The following TMX2 variants were observed in gnomAD, a reference collection of about 807,000 sequenced individuals.
TMX2 encodes thioredoxin-related transmembrane protein 2.
Under a neutral mutation model 33.4 loss-of-function variants are expected in TMX2, and 20 were observed. That is an observed-to-expected ratio of 0.60 (90% CI 0.42 to 0.87). The LOEUF (loss-of-function observed/expected upper bound fraction) is 0.87. Among genes scored for constraint, TMX2 ranks in the 40% least tolerant of loss-of-function variants. The pLI is 0.00. For missense variants in TMX2, 340 were observed against 370.7 expected (o/e 0.92, Z 0.68); for synonymous variants, 166 against 140.7 (o/e 1.18, Z -1.27).
chr11:57,734,716 C>G (rs1026355957), intron 1 of TMX2, among the ~76,000 whole-genome samples: 1 of 151,668 alleles, frequency 6.6e-6, no homozygotes, highest in Admixed American at 6.6e-5. Context: ...GCATTGCACT[C>G]CAGCCTGGGC....
chr11:57,738,939 T>C, intron 5 of TMX2, 35 bp from the exon 6 acceptor site: 2 of 1,601,874 alleles, frequency 1.2e-6, no homozygotes, highest in Non-Finnish European at 1.7e-6. Flanking sequence ...ATCCATTATT[T>C]TTTTTCAGCA....
chr11:57,740,040 C>G, intron 7 of TMX2, 59 bp from the exon 8 acceptor site: 1 of 1,609,872 alleles, frequency 6.2e-7, no homozygotes, highest in South Asian at 1.1e-5. Context: ...CTCTTACTTC[C>G]CAGGCTCTTT....
chr11:57,712,915 C>T, intron 1 of TMX2, 108 bp downstream of exon 1: 2 of 1,225,006 alleles, frequency 1.6e-6, no homozygotes, highest in Non-Finnish European at 2.3e-6. Context: ...AGGTTCCGAG[C>T]CTGTAGCGGA....
At chr11:57,734,432 G>A (rs868631361) in intron 1 of TMX2, among the ~76,000 whole-genome samples, 2 of 152,080 alleles carry the variant, frequency 1.3e-5, no homozygotes, top group Non-Finnish European at 2.9e-5. Flanking sequence ...TGGTCCCCTG[G>A]TTAACTACAA....
intron 1 of TMX2, 35 bp downstream of exon 1, chr11:57,712,842 G>A: frequency 6.2e-7 from 1 of 1,612,040 alleles, no homozygotes; most frequent in Non-Finnish European, 8.5e-7. Flanking sequence ...CCGCGACCTT[G>A]ACTGTCCCTG....
intron 1 of TMX2, among the ~76,000 whole-genome samples, chr11:57,716,268 C>A (rs1201875102): frequency 6.8e-6 from 1 of 147,084 alleles, no homozygotes; most frequent in African/African-American, 2.5e-5. Context: ...GGGCTGACCC[C>A]CCCCCACCTC....
Position 57,712,793 on chromosome 11 carries a change from T to G in TMX2, c.175T>G (p.Cys59Gly), listed in dbSNP as rs1946692194. Residue 59 changes from cysteine to glycine, a missense_variant, in exon 1 of 8, where the codon TGT (cysteine) becomes GGT (glycine). This residue lies in a region of TMX2 where 106 missense variants were observed against 82.7 expected (regional missense o/e 1.28). Transcript: ENST00000278422. ...LPTQREDGNP[C>G]DFDWREVEIL... ...CACCCAACGCGAAGACGGTAACCCGTGTGACTTTGACTGGGTGAGCCTCCC... is the reference window on the plus strand; with the variant it reads ...CACCCAACGCGAAGACGGTAACCCGGGTGACTTTGACTGGGTGAGCCTCCC... 1 of 1,614,074 alleles carries G rather than the reference T, an allele frequency of 6.2e-7. No individual in the cohort carries two copies. Among genetic ancestry groups the G allele is most frequent in the East Asian group, 2.2e-5 (1 of 44,882 alleles).
chr11:57,725,579 A>G (rs1318428536), intron 1 of TMX2, among the ~76,000 whole-genome samples: 6 of 152,144 alleles, frequency 3.9e-5, no homozygotes. Flanking sequence ...TCTACTAAAA[A>G]TACAAAAATT....
chr11:57,727,401 C>G (rs1948075911), intron 1 of TMX2, among the ~76,000 whole-genome samples: 1 of 152,070 alleles, frequency 6.6e-6, no homozygotes, highest in Non-Finnish European at 1.5e-5. Flanking sequence ...GTTTGTTGGT[C>G]TACACATACA....
chr11:57,716,365 C>T (rs1343186861), intron 1 of TMX2, among the ~76,000 whole-genome samples: 6 of 119,666 alleles, frequency 5.0e-5, no homozygotes, highest in South Asian at 2.8e-4. Flanking sequence ...ACCTCCCTCC[C>T]GGACGGGGCG....
intron 1 of TMX2, among the ~76,000 whole-genome samples, chr11:57,729,249 T>C (rs1300675672): frequency 1.3e-5 from 2 of 152,162 alleles, no homozygotes; most frequent in African/African-American, 4.8e-5. Flanking sequence ...GGAAGTAATA[T>C]GGTCTTTGTG....
Position 57,712,607 on chromosome 11 carries a change from A to G in TMX2, c.-12A>G, listed in dbSNP as rs747703706. The G allele has an allele frequency of 6.2e-7, 1 of 1,602,192 alleles. No homozygotes were observed. Among genetic ancestry groups the G allele is most frequent in the Non-Finnish European group, 8.5e-7 (1 of 1,172,322 alleles). On this transcript the variant is annotated 5_prime_UTR_variant, in exon 1 of 8. Coordinates refer to ENST00000278422, the MANE Select transcript of TMX2 (RefSeq NM_015959.4). ...ACGACGCCGGCGAGCAGTGGCCGTT[A>G]CGGCCGAAAAGATGGCGGTCTTGGC...
Position 57,740,086 on chromosome 11 carries a change from C to G in TMX2, c.745-13C>G. The G allele has an allele frequency of 1.9e-6, 3 of 1,613,854 alleles. No individual in the cohort carries two copies. Among genetic ancestry groups the G allele is most frequent in the Non-Finnish European group, 1.7e-6 (2 of 1,179,816 alleles). ...CCAACCCAGATCCTGACGTGTGCATCTCTTTTGTGCAGGAGAATGTGATCC... is the reference window on the plus strand; with the variant it reads ...CCAACCCAGATCCTGACGTGTGCATGTCTTTTGTGCAGGAGAATGTGATCC... On this transcript the variant is annotated splice_polypyrimidine_tract_variant and intron_variant, in intron 7 of 7. Transcript: ENST00000278422.
chr11:57,735,927 A>T (rs998972106), intron 1 of TMX2, among the ~76,000 whole-genome samples: 2 of 152,176 alleles, frequency 1.3e-5, no homozygotes, highest in African/African-American at 2.4e-5. Context: ...TTTTGTCCTA[A>T]CTGCAAAAGG....
At chr11:57,725,052 A>G (rs11827406) in intron 1 of TMX2, among the ~76,000 whole-genome samples, 5,232 of 150,876 alleles carry the variant, frequency 0.035, 313 homozygotes, top group African/African-American at 0.12. Flanking sequence ...AAAAAAAAAA[A>G]AAAGAAAGAA....
At position 57,714,794 on chromosome 11, in the gene TMX2, A is replaced by G. The variant is rs1387404832; in HGVS notation, c.189+1987A>G. Among the ~76,000 whole-genome samples, 11 of 151,920 alleles carry G rather than the reference A, an allele frequency of 7.2e-5. 1 individual carries two copies. The highest frequency in any genetic ancestry group is 7.2e-4 in the Admixed American group (11 of 15,232). ...TTTTTTTTCAAGGTGGGGTCTCTTGATGTTGCCCAGGCTGGTCTTGAACTC... is the reference window on the plus strand; with the variant it reads ...TTTTTTTTCAAGGTGGGGTCTCTTGGTGTTGCCCAGGCTGGTCTTGAACTC... On this transcript the variant is annotated intron_variant, in intron 1 of 7. Transcript: ENST00000278422.
At position 57,724,939 on chromosome 11, in the gene TMX2, G is replaced by A. The variant is rs895105951; in HGVS notation, c.189+12132G>A. ...TGTAATCCCAGCTACTCGGGAGGCT[G>A]GGGCAGGAGAATCACTTTGAACTCG... On this transcript the variant is annotated intron_variant, in intron 1 of 7. Transcript: ENST00000278422. Among the ~76,000 whole-genome samples, 7 of 151,840 alleles carry A rather than the reference G, an allele frequency of 4.6e-5. No homozygotes were observed. In the South Asian group the frequency reaches 1.5e-3, roughly 31 times the overall value.
chr11:57,726,799 A>T (rs941646356), intron 1 of TMX2, among the ~76,000 whole-genome samples: 1 of 152,206 alleles, frequency 6.6e-6, no homozygotes, highest in Admixed American at 6.5e-5. Flanking sequence ...TGCTATACCT[A>T]TGGAGATAAA....
chr11:57,728,515 G>A (rs1047593336), intron 1 of TMX2, among the ~76,000 whole-genome samples: 1 of 152,110 alleles, frequency 6.6e-6, no homozygotes, highest in African/African-American at 2.4e-5. Flanking sequence ...TCCTTCGGTG[G>A]AACTGTTAAG....
Sources: gnomAD v4.1 joint callset for allele counts (sites outside exome capture counted in the v4.1 genomes callset) on GRCh38, gnomAD v4.1.1 for gene constraint, gnomAD v4.1.1 regional missense constraint, MANE v1.5 for transcripts, NCBI Gene and HGNC (gene_info 2026-07-23, HGNC 2026-07-21) for gene names.